The following ZNF565 variants were observed in gnomAD, a reference collection of about 807,000 sequenced individuals.
The protein encoded by ZNF565 is zinc finger protein 565.
ZNF565 carries 27 observed loss-of-function variants against 39.4 expected under a neutral mutation model. The observed-to-expected ratio is 0.69, with a 90% CI of 0.51 to 0.95. The LOEUF (loss-of-function observed/expected upper bound fraction) is 0.95, where lower values mean the gene tolerates loss of function less well. ZNF565 is among the 40% of genes least tolerant of loss of function. The pLI is 0.00. For synonymous variants in ZNF565, 185 were observed against 216.6 expected, an observed-to-expected ratio of 0.85 and a Z score of 1.28; for missense variants, 524 against 621.1, an observed-to-expected ratio of 0.84 and a Z score of 1.66.
chr19:36,235,478 T>C (rs1227414017), intron 1 of ZNF565, among the ~76,000 whole-genome samples: 1 of 152,198 alleles, frequency 6.6e-6, no homozygotes, highest in Non-Finnish European at 1.5e-5. Context: ...TATTTTCATA[T>C]TGGGAGATGG....
intron 1 of ZNF565, among the ~76,000 whole-genome samples, chr19:36,240,478 A>G (rs771627761): frequency 1.3e-5 from 2 of 152,198 alleles, no homozygotes; most frequent in Admixed American, 6.5e-5. Flanking sequence ...AAGAGAATTG[A>G]GAGTCCACAA....
chr19:36,218,182 C>T (rs1424996675), upstream of ZNF565: 4 of 149,012 alleles, frequency 2.7e-5, no homozygotes, highest in Non-Finnish European at 5.9e-5. Flanking sequence ...CACTTTTTAC[C>T]TTGGGGACCT....
At chr19:36,228,158 CAAAAAAAAAAAA>C (rs71171422) in intron 1 of ZNF565, among the ~76,000 whole-genome samples, 1 of 106,644 alleles carries the variant, frequency 9.4e-6, no homozygotes, top group Admixed American at 9.5e-5. Flanking sequence ...GAAACTGTCT[CAAAAAAAAAAAA>C]AAAAAAAGAA....
In ZNF565 at chr19:36,182,918, C is replaced by T. The variant is rs1975137961; in HGVS notation, c.1048G>A (p.Val350Ile). 6.2e-7 allele frequency: 1 copy of T among 1,613,044 alleles called. No individual in the cohort carries two copies. The highest frequency in any genetic ancestry group is 8.5e-7 in the Non-Finnish European group (1 of 1,179,682). The change falls in exon 5 of 5, where the codon GTT (valine) becomes ATT (isoleucine). Residue 350 changes from valine to isoleucine, a missense_variant. Physicochemically the swap from Val to Ile is conservative, Grantham distance 29. Coordinates refer to ENST00000304116, the MANE Select transcript of ZNF565 (RefSeq NM_152477.5). ...GAATGAATTCTTTGATGTCGAGTAA[C>T]TTCTGAGCTGTGAATAAAGCCCTTT... Reference protein sequence around the residue: ...CGKGFIHSSEVTRHQRIHSGE... With the variant: ...CGKGFIHSSEITRHQRIHSGE...
Position 36,245,661 on chromosome 19 carries a change from C to A in ZNF565, c.-131G>T. On this transcript the variant is annotated 5_prime_UTR_variant, in exon 1 of 5. Coordinates refer to the ZNF565 transcript ENST00000355114. This position sits in a 1 kb window ranked among gnomAD's most constrained non-coding sequence, Gnocchi z 4.4. ...TGGTGCTTTGGCAGAGTCTCTGGTG[C>A]CCGGGTGAATGGGTTCAGGGTCTCT... The A allele has an allele frequency of 1.5e-6, 1 of 679,938 alleles. No individual in the cohort carries two copies. Among genetic ancestry groups the A allele is most frequent in the East Asian group, 2.7e-5 (1 of 37,064 alleles). The allele number at this position is 679,938 out of a possible 1,614,324, so 42.1% of individuals were successfully genotyped here. A position where few individuals can be genotyped will look rare whatever the true frequency, so the allele number is the denominator to read the frequency against.
rs1438379139 is a variant in ZNF565 at position 36,245,370 on chromosome 19, C to G, written c.55+106G>C. 1 of 688,354 alleles carries G rather than the reference C, an allele frequency of 1.5e-6. No individual in the cohort carries two copies. Among genetic ancestry groups the G allele is most frequent in the Admixed American group, 2.0e-5 (1 of 49,040 alleles). The allele number at this position is 688,354 out of a possible 1,614,324, so 42.6% of individuals were successfully genotyped here. On this transcript the variant is annotated intron_variant, in intron 1 of 4. Coordinates refer to the ZNF565 transcript ENST00000355114. The surrounding 1 kb of genome is among the most constrained non-coding windows in gnomAD (Gnocchi z 4.4). Reference sequence around the variant, plus strand: ...ATTCTAGGGTCTGATCTGGCGGGCTCGAAGGGAGGACAGTCACTGCGACCC... The same window carrying G: ...ATTCTAGGGTCTGATCTGGCGGGCTGGAAGGGAGGACAGTCACTGCGACCC...
intron 1 of ZNF565, among the ~76,000 whole-genome samples, chr19:36,229,864 C>T (rs149778339): frequency 1.3e-4 from 20 of 152,266 alleles, no homozygotes; most frequent in African/African-American, 4.6e-4. Flanking sequence ...GGATTACAGG[C>T]ATGTGCCATC....
chr19:36,232,542 T>C (rs1977427244), intron 1 of ZNF565, among the ~76,000 whole-genome samples: 1 of 152,074 alleles, frequency 6.6e-6, no homozygotes, highest in South Asian at 2.1e-4. Flanking sequence ...TGAGAACGCA[T>C]GAGTTGCTGT....
chr19:36,236,513 T>G, intron 1 of ZNF565: 1 of 1,614,184 alleles, frequency 6.2e-7, no homozygotes, highest in South Asian at 1.1e-5. Flanking sequence ...TGGAAAAGTC[T>G]TCAGCCACAA....
intron 1 of ZNF565, chr19:36,235,713 C>T (rs1977622362): frequency 6.6e-6 from 1 of 152,172 alleles, no homozygotes; most frequent in South Asian, 2.1e-4. Flanking sequence ...TTGAGAGGCA[C>T]CAGGACTTGG....
chr19:36,236,409 A>ATTT, intron 1 of ZNF565: 2 of 1,558,340 alleles, frequency 1.3e-6, no homozygotes, highest in Non-Finnish European at 1.7e-6. Context: ...ACTGGAGAGA[A>ATTT]ACCTTGTGAA....
chr19:36,241,998 A>C (rs562948147), intron 1 of ZNF565, among the ~76,000 whole-genome samples: 16 of 152,366 alleles, frequency 1.1e-4, no homozygotes, highest in African/African-American at 3.6e-4. Flanking sequence ...ATAATACCAA[A>C]GTATAAGCAG....
intron 4 of ZNF565, among the ~76,000 whole-genome samples, chr19:36,193,541 C>T (rs1165893212): frequency 2.0e-5 from 3 of 150,412 alleles, no homozygotes; most frequent in Non-Finnish European, 4.4e-5. Context: ...CCCGGGTTCA[C>T]GCCATACTCC....
intron 3 of ZNF565, 97 bp from the exon 4 acceptor site, chr19:36,194,425 T>C: frequency 1.1e-6 from 1 of 916,996 alleles, no homozygotes; most frequent in Non-Finnish European, 1.6e-6. Context: ...ACAAGGTAGG[T>C]GGAAGGTTGT....
At chr19:36,219,201 A>G (rs1976738341), upstream of ZNF565, among the ~76,000 whole-genome samples, 1 of 152,180 alleles carries the variant, frequency 6.6e-6, no homozygotes, top group African/African-American at 2.4e-5. Context: ...ACTCTGGCTC[A>G]GGCTGGGTGC....
chr19:36,222,643 T>C (rs1209890359), intron 1 of ZNF565, among the ~76,000 whole-genome samples: 1 of 152,126 alleles, frequency 6.6e-6, no homozygotes, highest in Admixed American at 6.5e-5. Flanking sequence ...TTTTTTTATA[T>C]GTTTAAAGGC....
chr19:36,226,899 C>T (rs1977090964), intron 1 of ZNF565, among the ~76,000 whole-genome samples: 1 of 151,514 alleles, frequency 6.6e-6, no homozygotes, highest in Non-Finnish European at 1.5e-5. Context: ...TTCAGCCTAA[C>T]ACAGAGAAAC....
At chr19:36,224,841 AT>A (rs1401336488) in intron 1 of ZNF565, among the ~76,000 whole-genome samples, 1 of 151,868 alleles carries the variant, frequency 6.6e-6, no homozygotes, top group Admixed American at 6.6e-5. Context: ...GTGTTTTAAA[AT>A]TTTTTTCATA....
At chr19:36,223,076 G>A (rs889883366) in intron 1 of ZNF565, among the ~76,000 whole-genome samples, 4 of 151,726 alleles carry the variant, frequency 2.6e-5, no homozygotes, top group Admixed American at 1.3e-4. Context: ...CAAGTAGCGG[G>A]GACTACAGGC....
Sources: allele counts gnomAD v4.1 joint callset (sites outside exome capture counted in the v4.1 genomes callset), GRCh38; gene constraint gnomAD v4.1.1; non-coding constraint Gnocchi (gnomAD v3.1); transcripts MANE v1.5; gene names NCBI Gene and HGNC (gene_info 2026-07-23, HGNC 2026-07-21).